Variants in COPB1 observed in about 807,000 individuals in gnomAD.
COPB1 encodes coat protein complex I subunit beta 1.
COPB1 carries 21 observed loss-of-function variants against 108.7 expected under a neutral mutation model. The ratio of observed to expected loss-of-function variants is 0.19; its 90% confidence interval spans 0.14 to 0.28. The LOEUF (loss-of-function observed/expected upper bound fraction) is 0.28. Among genes scored for constraint, COPB1 ranks in the 10% least tolerant of loss-of-function variants. The pLI, the probability that COPB1 is intolerant of heterozygous loss-of-function variation, is 1.00. For missense variants in COPB1, 919 were observed against 1,141.3 expected, an observed-to-expected ratio of 0.81 and a Z score of 2.81; for synonymous variants, 378 against 386.8, an observed-to-expected ratio of 0.98 and a Z score of 0.27.
chr11:14,482,545 T>A (rs1289796964), intron 8 of COPB1, among the ~76,000 whole-genome samples: 1 of 152,170 alleles, frequency 6.6e-6, no homozygotes, highest in Non-Finnish European at 1.5e-5. Context: ...AAAACATTTT[T>A]TTTTTTTGAG....
At chr11:14,485,259 C>T (rs1321423030) in intron 7 of COPB1, among the ~76,000 whole-genome samples, 4 of 152,056 alleles carry the variant, frequency 2.6e-5, no homozygotes, top group East Asian at 3.9e-4. Flanking sequence ...TGGCCTCAAA[C>T]GATCATCCCA....
In COPB1 at chr11:14,468,878, CAA is replaced by C; in HGVS notation, c.1966-20_1966-19del. ...GATTCTTTCTGTGTTGAGAATATAA[CAA>C]AGTCTCTCTTTAATATGAAAAGATA... On this transcript the variant is annotated intron_variant, in intron 15 of 21. Coordinates refer to ENST00000439561, the MANE Select transcript of COPB1 (RefSeq NM_001144061.2). 6.2e-7 allele frequency: 1 copy of C among 1,601,416 alleles called. No individual in the cohort carries two copies.
Position 14,474,627 on chromosome 11 carries a change from C to A in COPB1, c.1617-12G>T, listed in dbSNP as rs1175010617. 6.2e-7 allele frequency: 1 copy of A among 1,612,334 alleles called. No homozygotes were observed. Among genetic ancestry groups the A allele is most frequent in the East Asian group, 2.2e-5 (1 of 44,840 alleles). ...CTCTCAAGGGAGGTCTGCAAAGCAACCAAGGAAAATCAAACCCACCAACTT... is the reference window on the plus strand; with the variant it reads ...CTCTCAAGGGAGGTCTGCAAAGCAAACAAGGAAAATCAAACCCACCAACTT... On this transcript the variant is annotated splice_polypyrimidine_tract_variant and intron_variant, in intron 13 of 21. Coordinates refer to ENST00000439561, the MANE Select transcript of COPB1 (RefSeq NM_001144061.2).
At chr11:14,460,385 T>TC in intron 19 of COPB1, 88 bp from the exon 20 acceptor site, 1 of 785,856 alleles carries the variant, frequency 1.3e-6, no homozygotes, top group Admixed American at 2.6e-5. Context: ...AAAAACTTGT[T>TC]CCAACTGTTT....
chr11:14,498,763 G>A (rs549597661), intron 2 of COPB1, 75 bp downstream of exon 2: 355 of 1,158,524 alleles, frequency 3.1e-4, no homozygotes, highest in Middle Eastern at 5.7e-4. Context: ...TAATTATAAA[G>A]GAATATGAAA....
intron 12 of COPB1, among the ~76,000 whole-genome samples, chr11:14,476,657 A>C (rs1483610067): frequency 6.6e-6 from 1 of 152,140 alleles, no homozygotes; most frequent in Non-Finnish European, 1.5e-5. Context: ...GTTAGGATGA[A>C]GAATACTGTC....
Position 14,465,033 on chromosome 11 carries a change from G to A in COPB1, c.2291-3C>T, listed in dbSNP as rs776437578. On this transcript the variant is annotated splice_polypyrimidine_tract_variant and splice_region_variant and intron_variant, in intron 17 of 21. Coordinates refer to ENST00000439561, the MANE Select transcript of COPB1 (RefSeq NM_001144061.2). ...CTTTTCCACAAGTTTCAGATCCCCT[G>A]AAAGAAAGAGTTTGGATATGGTTAA... The A allele has an allele frequency of 6.2e-7, 1 of 1,602,806 alleles. No homozygotes were observed. Among genetic ancestry groups the A allele is most frequent in the South Asian group, 1.1e-5 (1 of 90,706 alleles).
intron 21 of COPB1, 21 bp downstream of exon 21, chr11:14,458,511 C>CA (rs200930733): frequency 2.1e-4 from 329 of 1,563,666 alleles, no homozygotes; most frequent in Admixed American, 5.2e-4. Flanking sequence ...GAGATACTCT[C>CA]AAAAAAAAAG....
At chr11:14,484,953 ATACTC>A (rs577437555) in intron 7 of COPB1, among the ~76,000 whole-genome samples, 329 of 152,298 alleles carry the variant, frequency 2.2e-3, no homozygotes, top group African/African-American at 7.6e-3. Flanking sequence ...AGAAAGGTAA[ATACTC>A]TATTATTGAA....
At chr11:14,495,592 G>C (rs1443792053) in intron 2 of COPB1, among the ~76,000 whole-genome samples, 1 of 152,186 alleles carries the variant, frequency 6.6e-6, no homozygotes, top group African/African-American at 2.4e-5. Flanking sequence ...TCGAACTCCT[G>C]AAGTCAAGTG....
chr11:14,470,315 C>T (rs546916518), intron 14 of COPB1, among the ~76,000 whole-genome samples: 13 of 152,252 alleles, frequency 8.5e-5, no homozygotes, highest in South Asian at 6.2e-4. Flanking sequence ...TTGTATTTCA[C>T]CCTGTACTGC....
At chr11:14,469,637 T>C (rs1236415685) in intron 14 of COPB1, 74 bp from the exon 15 acceptor site, 1 of 1,248,554 alleles carries the variant, frequency 8.0e-7, no homozygotes, top group African/African-American at 1.5e-5. Context: ...TCATTATAAC[T>C]CACAATCTAA....
intron 18 of COPB1, among the ~76,000 whole-genome samples, chr11:14,464,699 T>C (rs531976886): frequency 3.3e-5 from 5 of 152,142 alleles, no homozygotes; most frequent in Non-Finnish European, 7.4e-5. Context: ...AGCTCCTCCT[T>C]TTGCCTGACA....
intron 4 of COPB1, among the ~76,000 whole-genome samples, chr11:14,492,623 A>G (rs1481949018): frequency 6.6e-6 from 1 of 152,020 alleles, no homozygotes; most frequent in Non-Finnish European, 1.5e-5. Context: ...GATTACAGGC[A>G]TGAGCCACCA....
chr11:14,475,093 C>CAAAAAA (rs146181255), intron 13 of COPB1, among the ~76,000 whole-genome samples: 2 of 71,572 alleles, frequency 2.8e-5, no homozygotes, highest in Non-Finnish European at 5.0e-5. Context: ...GACTCTGTGT[C>CAAAAAA]AAAAAAAAAA....
intron 6 of COPB1, among the ~76,000 whole-genome samples, chr11:14,487,009 T>C (rs1270397812): frequency 6.6e-6 from 1 of 152,182 alleles, no homozygotes; most frequent in Admixed American, 6.5e-5. Context: ...TGACGGATGA[T>C]ATAAATCTCA....
chr11:14,483,249 CA>C, intron 7 of COPB1, 98 bp from the exon 8 acceptor site: 2 of 667,154 alleles, frequency 3.0e-6, no homozygotes, highest in South Asian at 3.1e-5. Flanking sequence ...CACACACACA[CA>C]CACACACACT....
intron 20 of COPB1, among the ~76,000 whole-genome samples, chr11:14,458,954 G>C (rs1850085192): frequency 6.6e-6 from 1 of 152,132 alleles, no homozygotes; most frequent in Admixed American, 6.5e-5. Flanking sequence ...TTTTAGTAGA[G>C]ACAGGGTTTC....
At chr11:14,467,042 G>C (rs1417111411) in intron 16 of COPB1, among the ~76,000 whole-genome samples, 4 of 152,118 alleles carry the variant, frequency 2.6e-5, no homozygotes, top group Non-Finnish European at 2.9e-5. Flanking sequence ...AGAAAAAATA[G>C]ATTAAACATC....
Sources: allele counts gnomAD v4.1 joint callset (sites outside exome capture counted in the v4.1 genomes callset), GRCh38; gene constraint gnomAD v4.1.1; transcripts MANE v1.5; gene names NCBI Gene and HGNC (gene_info 2026-07-23, HGNC 2026-07-21).